NTRK2: variants seen among roughly 807,000 people sequenced by gnomAD.
NTRK2 encodes neurotrophic receptor tyrosine kinase 2, also known as BDNF/NT-3 growth factors receptor.
Under a neutral mutation model 94.5 loss-of-function variants are expected in NTRK2, and 13 were observed. That is an observed-to-expected ratio of 0.14 (90% CI 0.09 to 0.22). NTRK2 has a LOEUF of 0.22. Ranked by LOEUF, NTRK2 falls within the 10% of genes least tolerant of loss-of-function variation. The pLI, the probability that NTRK2 is intolerant of heterozygous loss-of-function variation, is 1.00. For synonymous variants in NTRK2, 372 were observed against 407.4 expected (o/e 0.91, Z 1.05); for missense variants, 639 against 1,071.2 (o/e 0.60, Z 5.63).
intron 12 of NTRK2, among the ~76,000 whole-genome samples, chr9:84,808,506 G>A (rs2071386856): frequency 6.6e-6 from 1 of 152,128 alleles, no homozygotes; most frequent in Non-Finnish European, 1.5e-5. Context: ...TACTCATATT[G>A]TTTCAGTGGG....
At chr9:84,948,319 C>T (rs1440527515) in intron 15 of NTRK2, 143 bp from the exon 16 acceptor site, 2 of 846,190 alleles carry the variant, frequency 2.4e-6, no homozygotes, top group Non-Finnish European at 3.9e-6. Flanking sequence ...GGAGTTATTC[C>T]TCAGTTATTA....
intron 12 of NTRK2, among the ~76,000 whole-genome samples, chr9:84,787,554 G>A (rs886171473): frequency 1.3e-5 from 2 of 152,124 alleles, no homozygotes; most frequent in Non-Finnish European, 2.9e-5. Context: ...TAATGACTCT[G>A]TCAATGGAGG....
At chr9:84,800,729 C>T (rs1040276097) in intron 12 of NTRK2, among the ~76,000 whole-genome samples, 2 of 152,176 alleles carry the variant, frequency 1.3e-5, no homozygotes, top group Non-Finnish European at 2.9e-5. Context: ...AGCCAGGACC[C>T]ACCATTTGGC....
chr9:84,901,133 A>G (rs941240630), intron 14 of NTRK2, among the ~76,000 whole-genome samples: 2 of 152,308 alleles, frequency 1.3e-5, no homozygotes, highest in African/African-American at 4.8e-5. Flanking sequence ...CCTCAAAATG[A>G]GGTGATAAAT....
chr9:84,731,644 G>A (rs1290511406), intron 9 of NTRK2, among the ~76,000 whole-genome samples: 3 of 151,976 alleles, frequency 2.0e-5, no homozygotes, highest in South Asian at 2.1e-4. Context: ...CTTTACTTCC[G>A]CTTGGGATGC....
Position 84,707,773 on chromosome 9 carries a change from C to T in NTRK2, c.360-71C>T. On this transcript the variant is annotated intron_variant, in intron 4 of 18. Transcript: ENST00000277120. ...TAAAATTATATTTTGAAAAACAAAT[C>T]TCTATTTGAATACTGTGTTCCTAAA... 2.6e-6 allele frequency: 3 copies of T among 1,147,792 alleles called. No homozygotes were observed. The Admixed American group carries it at 5.1e-5, about 20-fold the overall frequency. The allele number at this position is 1,147,792 out of a possible 1,614,324, so 71.1% of individuals were successfully genotyped here. A position where few individuals can be genotyped will look rare whatever the true frequency, so the allele number is the denominator to read the frequency against.
chr9:84,770,722 G>A (rs958263708), intron 12 of NTRK2, among the ~76,000 whole-genome samples: 4 of 152,096 alleles, frequency 2.6e-5, no homozygotes, highest in South Asian at 4.1e-4. Flanking sequence ...TGAGAGGGCC[G>A]TTGTGGGCCA....
rs142829612 is a variant in NTRK2 at position 85,008,680 on chromosome 9, G to A, written c.2173-11526G>A. On this transcript the variant is annotated intron_variant, in intron 17 of 18. Transcript: ENST00000277120. Reference sequence around the variant, plus strand: ...CTTGCCCAAAATCACATGGAAAGTCGTTGTAATCACAAGAAGCCTGGGTCT... The same window carrying A: ...CTTGCCCAAAATCACATGGAAAGTCATTGTAATCACAAGAAGCCTGGGTCT... Among the ~76,000 whole-genome samples the A allele has an allele frequency of 7.2e-5, 11 of 152,270 alleles. No individual in the cohort carries two copies. The East Asian group carries it at 9.7e-4, about 13-fold the overall frequency.
intron 17 of NTRK2, among the ~76,000 whole-genome samples, chr9:85,014,190 GA>G (rs1279557411): frequency 3.3e-5 from 5 of 152,138 alleles, no homozygotes; most frequent in Non-Finnish European, 7.4e-5. Context: ...AGGGAAGTAG[GA>G]ATGGACAGGG....
At chr9:85,007,967 C>A (rs1831148597) in intron 17 of NTRK2, among the ~76,000 whole-genome samples, 1 of 152,142 alleles carries the variant, frequency 6.6e-6, no homozygotes, top group Non-Finnish European at 1.5e-5. Flanking sequence ...GTGGCTAACA[C>A]CTTCTTCACA....
chr9:84,776,126 C>T (rs1040841549), intron 12 of NTRK2, among the ~76,000 whole-genome samples: 2 of 151,424 alleles, frequency 1.3e-5, no homozygotes, highest in African/African-American at 4.9e-5. Context: ...TCTATCTATC[C>T]AACTAGATGG....
intron 14 of NTRK2, chr9:84,876,357 G>T: frequency 2.9e-6 from 3 of 1,052,370 alleles, no homozygotes; most frequent in Non-Finnish European, 3.4e-6. Context: ...GCAGCCACCT[G>T]AATTGTTTTC....
rs995635641 is a variant in NTRK2, at chr9:84,670,681, G to A, written c.-68G>A. On this transcript the variant is annotated 5_prime_UTR_variant, in exon 2 of 19. Coordinates refer to ENST00000277120, the MANE Select transcript of NTRK2 (RefSeq NM_006180.6). ...CCGCAAGCGCAGGGAAGGCCTCCCC[G>A]CACGGGTGGGGGAAAGCGGCCGGTG... is the stretch of plus-strand genomic sequence containing the variant. The A allele has an allele frequency of 2.0e-6, 3 of 1,530,704 alleles. No homozygotes were observed. Among genetic ancestry groups the A allele is most frequent in the Admixed American group, 3.3e-5 (2 of 59,894 alleles). The allele number at this position is 1,530,704 out of a possible 1,614,324, so 94.8% of individuals were successfully genotyped here.
At chr9:84,704,445 C>G (rs188131680) in intron 4 of NTRK2, among the ~76,000 whole-genome samples, 240 of 151,846 alleles carry the variant, frequency 1.6e-3, no homozygotes, top group African/African-American at 5.6e-3. Context: ...CCAGGATGGT[C>G]TCGATCTCCT....
Position 84,948,545 on chromosome 9 carries a change from C to T in NTRK2, c.1848C>T (p.Ile616=), listed in dbSNP as rs2289657. 3.1e-6 allele frequency: 5 copies of T among 1,613,936 alleles called. No individual in the cohort carries two copies. Among genetic ancestry groups the T allele is most frequent in the Admixed American group, 1.7e-5 (1 of 59,986 alleles). ...ELLTNLQHEH[I]VKFYGVCVEG... is the part of the protein sequence containing the mutation. ...TGACCAACCTCCAGCATGAGCACAT[C>T]GTCAAGTTCTATGGCGTCTGCGTGG... Residue 616 remains isoleucine (I), a synonymous_variant, in exon 16 of 19, where the codon ATC becomes ATT. Coordinates refer to ENST00000277120, the MANE Select transcript of NTRK2 (RefSeq NM_006180.6).
intron 6 of NTRK2, among the ~76,000 whole-genome samples, chr9:84,714,003 T>G (rs572850071): frequency 6.6e-6 from 1 of 152,276 alleles, no homozygotes; most frequent in South Asian, 2.1e-4. Context: ...TTCCATTTAT[T>G]CTTTCATTCA....
intron 2 of NTRK2, among the ~76,000 whole-genome samples, chr9:84,698,677 C>T (rs1276504924): frequency 6.6e-6 from 1 of 152,228 alleles, no homozygotes; most frequent in Admixed American, 6.5e-5. Context: ...AGAGAAATTT[C>T]ATCACATCCA....
rs539540712 is a variant in NTRK2 at position 84,841,508 on chromosome 9, T to C, written c.1397-19532T>C. Reference sequence around the variant, plus strand: ...TCTCTCCTAGAATATCTGGCCACATTGGCCAGAGTGCACCCTGGGCACCGT... The same window carrying C: ...TCTCTCCTAGAATATCTGGCCACATCGGCCAGAGTGCACCCTGGGCACCGT... On this transcript the variant is annotated intron_variant, in intron 12 of 18. Transcript: ENST00000277120. Among the ~76,000 whole-genome samples, 61 of 152,296 alleles carry C rather than the reference T, an allele frequency of 4.0e-4. 1 individual carries two copies. The South Asian group carries it at 0.013, about 32-fold the overall frequency.
At chr9:84,986,327 G>A (rs931748057) in intron 17 of NTRK2, among the ~76,000 whole-genome samples, 5 of 152,150 alleles carry the variant, frequency 3.3e-5, no homozygotes, top group Non-Finnish European at 7.4e-5. Flanking sequence ...TTGTGAGGAT[G>A]TTTTTGGGAT....
Sources: gnomAD v4.1 joint callset for allele counts (sites outside exome capture counted in the v4.1 genomes callset) on GRCh38, gnomAD v4.1.1 for gene constraint, MANE v1.5 for transcripts, NCBI Gene and HGNC (gene_info 2026-07-23, HGNC 2026-07-21) for gene names.